Variants in CSMD1 observed in about 807,000 individuals in gnomAD.
CSMD1 encodes CUB and Sushi multiple domains 1.
Under a neutral mutation model 417.5 loss-of-function variants are expected in CSMD1, and 213 were observed. That is an observed-to-expected ratio of 0.51 (90% CI 0.46 to 0.57). The LOEUF is 0.57. Ranked by LOEUF, CSMD1 falls within the 20% of genes least tolerant of loss-of-function variation. CSMD1 has a pLI of 0.00. For synonymous variants in CSMD1, 2,862 were observed against 1,736.8 expected (o/e 1.65, Z -16.11); for missense variants, 6,923 against 4,529.7 (o/e 1.53, Z -15.17).
chr8:4,976,299 G>A (rs543923697), intron 1 of CSMD1, among the ~76,000 whole-genome samples: 4 of 152,290 alleles, frequency 2.6e-5, no homozygotes, highest in East Asian at 1.9e-4. Context: ...AATGTATGGA[G>A]TAGCTACCTC....
chr8:4,958,842 A>G (rs1221556363), intron 1 of CSMD1, among the ~76,000 whole-genome samples: 1 of 152,196 alleles, frequency 6.6e-6, no homozygotes, highest in African/African-American at 2.4e-5. Flanking sequence ...TAAAAAATGC[A>G]TGTCCTTTAG....
chr8:4,139,431 G>A (rs887923651), intron 3 of CSMD1, among the ~76,000 whole-genome samples: 8 of 144,436 alleles, frequency 5.5e-5, no homozygotes. Context: ...GGTAAAGAAC[G>A]AAGGAAGACT....
At chr8:3,623,326 G>A (rs2469314) in intron 7 of CSMD1, among the ~76,000 whole-genome samples, 109,982 of 152,112 alleles carry the variant, frequency 0.72, 40,069 homozygotes, top group African/African-American at 0.79. Flanking sequence ...GACATGCCAT[G>A]TAAGTATCAA....
rs1335077615 is a variant in CSMD1 at position 3,091,744 on chromosome 8, C to T, written c.7139-82G>A. 3.9e-6 allele frequency: 5 copies of T among 1,282,384 alleles called. No individual in the cohort carries two copies. In the East Asian group the frequency reaches 7.6e-5, roughly 19 times the overall value. The allele number at this position is 1,282,384 out of a possible 1,614,324, so 79.4% of individuals were successfully genotyped here. ...ATACTAGGTTTAGCTTTTGATTACA[C>T]TGGAGTCTACGTGTGCAATACACAG... On this transcript the variant is annotated intron_variant, in intron 47 of 69. Transcript: ENST00000635120.
At chr8:4,310,740 G>C (rs1405097240) in intron 3 of CSMD1, among the ~76,000 whole-genome samples, 1 of 152,132 alleles carries the variant, frequency 6.6e-6, no homozygotes, top group Non-Finnish European at 1.5e-5. Context: ...GGAGAGAGTA[G>C]CTCCAGCATG....
Position 4,880,054 on chromosome 8 carries a change from C to T in CSMD1, c.85+114278G>A, listed in dbSNP as rs979922498. Among the ~76,000 whole-genome samples, 7 of 152,066 alleles carry T rather than the reference C, an allele frequency of 4.6e-5. No homozygotes were observed. In the East Asian group the frequency reaches 1.3e-3, roughly 29 times the overall value. On this transcript the variant is annotated intron_variant, in intron 1 of 69. Coordinates refer to ENST00000635120, the MANE Select transcript of CSMD1 (RefSeq NM_033225.6). ...AAGTATTTTTGGCTTTAAAAGTAAT[C>T]TCCTACCTTTCTGCTGAACTTATTA...
intron 12 of CSMD1, among the ~76,000 whole-genome samples, chr8:3,461,050 G>A (rs1189418088): frequency 2.6e-5 from 4 of 152,184 alleles, no homozygotes; most frequent in Non-Finnish European, 4.4e-5. Flanking sequence ...TACAGCACAT[G>A]AGTTCATGTG....
At chr8:3,921,132 C>T (rs1441202596) in intron 5 of CSMD1, among the ~76,000 whole-genome samples, 1 of 152,158 alleles carries the variant, frequency 6.6e-6, no homozygotes, top group Non-Finnish European at 1.5e-5. Context: ...AACACTGACA[C>T]ATTTCCCTTA....
intron 12 of CSMD1, among the ~76,000 whole-genome samples, chr8:3,441,269 T>C (rs1814966573): frequency 6.6e-6 from 1 of 152,100 alleles, no homozygotes. Context: ...TTTGAGAGAC[T>C]GAATTTGTAT....
chr8:3,789,273 A>C (rs544606415), intron 5 of CSMD1, among the ~76,000 whole-genome samples: 1 of 152,198 alleles, frequency 6.6e-6, no homozygotes, highest in African/African-American at 2.4e-5. Flanking sequence ...CAGCCTCCTG[A>C]ACTGTTGTTT....
At chr8:4,320,726 A>G (rs1411319187) in intron 3 of CSMD1, among the ~76,000 whole-genome samples, 129 of 152,142 alleles carry the variant, frequency 8.5e-4, no homozygotes, top group Non-Finnish European at 1.5e-4. Flanking sequence ...CATGGTGTGT[A>G]TGTGCCACAT....
chr8:4,750,807 A>G (rs1811271210), intron 1 of CSMD1, among the ~76,000 whole-genome samples: 1 of 151,782 alleles, frequency 6.6e-6, no homozygotes, highest in Admixed American at 6.6e-5. Flanking sequence ...TTGCTTTTTT[A>G]TGCTTGTTTC....
intron 5 of CSMD1, among the ~76,000 whole-genome samples, chr8:3,774,505 G>A (rs530684334): frequency 3.9e-5 from 6 of 152,250 alleles, no homozygotes; most frequent in African/African-American, 7.2e-5. Flanking sequence ...TAAATAAATA[G>A]AAAGATGCTG....
intron 2 of CSMD1, among the ~76,000 whole-genome samples, chr8:4,451,788 C>G (rs1009970310): frequency 2.6e-5 from 4 of 151,974 alleles, no homozygotes; most frequent in African/African-American, 9.7e-5. Flanking sequence ...TGAGCAGGAT[C>G]CACAATGCCA....
At chr8:4,528,427 T>C (rs922651954) in intron 2 of CSMD1, among the ~76,000 whole-genome samples, 2 of 152,204 alleles carry the variant, frequency 1.3e-5, no homozygotes, top group Admixed American at 1.3e-4. Context: ...TGTGGACTTT[T>C]ACCATATCTA....
rs71207092 is a variant in CSMD1, at chr8:4,456,985, T to TTTAAAA, written c.303-36921_303-36920insTTTTAA. Among the ~76,000 whole-genome samples the TTTAAAA allele has an allele frequency of 4.5e-4, 63 of 138,800 alleles. 1 individual carries two copies. Among genetic ancestry groups the TTTAAAA allele is most frequent in the Middle Eastern group, 3.7e-3 (1 of 270 alleles). 91.1% of individuals were successfully genotyped at this position (138,800 alleles called of 152,430 possible). A position where few individuals can be genotyped will look rare whatever the true frequency, so the allele number is the denominator to read the frequency against. On this transcript the variant is annotated intron_variant, in intron 2 of 69. Transcript: ENST00000635120. The stretch of plus-strand genomic sequence containing the variant: ...GATTTTGATGAGTGTGGTTTTTTTT[T>TTTAAAA]AAAAAAAAAAAAAACAACAAGAAAA...
intron 3 of CSMD1, among the ~76,000 whole-genome samples, chr8:4,366,330 T>A (rs779176622): frequency 2.0e-4 from 31 of 152,176 alleles, no homozygotes; most frequent in Non-Finnish European, 3.7e-4. Flanking sequence ...CAGTTCACCA[T>A]TGGTGAACAT....
intron 47 of CSMD1, among the ~76,000 whole-genome samples, chr8:3,094,078 T>G (rs1815133635): frequency 2.0e-5 from 2 of 100,676 alleles, no homozygotes; most frequent in South Asian, 7.2e-4. Flanking sequence ...GAGTAGAGTT[T>G]TAGGGTTTTT....
chr8:3,050,249 A>T (rs1488870353), intron 50 of CSMD1, among the ~76,000 whole-genome samples: 2 of 151,812 alleles, frequency 1.3e-5, no homozygotes, highest in Admixed American at 1.3e-4. Flanking sequence ...CACTGGCATT[A>T]TAAAAGGGGT....
Sources: allele counts gnomAD v4.1 joint callset (sites outside exome capture counted in the v4.1 genomes callset), GRCh38; gene constraint gnomAD v4.1.1; transcripts MANE v1.5; gene names NCBI Gene and HGNC (gene_info 2026-07-23, HGNC 2026-07-21).